Variants in MIPEP observed in about 807,000 individuals in gnomAD.
MIPEP encodes mitochondrial intermediate peptidase.
A neutral mutation model predicts 90.3 loss-of-function variants in MIPEP; 79 were observed. That is an observed-to-expected ratio of 0.87 (90% confidence interval 0.73 to 1.05). The LOEUF (loss-of-function observed/expected upper bound fraction) is 1.05. MIPEP is among the 50% of genes least tolerant of loss of function. The pLI is 0.00. For synonymous variants in MIPEP, 334 were observed against 315.8 expected (o/e 1.06, Z -0.61); for missense variants, 940 against 905.6 (o/e 1.04, Z -0.49).
chr13:23,805,862 G>T, intron 16 of MIPEP, 88 bp downstream of exon 16: 1 of 1,424,780 alleles, frequency 7.0e-7, no homozygotes, highest in Non-Finnish European at 9.6e-7. Context: ...GGGATTTCAA[G>T]TTCTCCAAAG....
chr13:23,864,078 G>T, intron 8 of MIPEP, 63 bp downstream of exon 8: 3 of 943,296 alleles, frequency 3.2e-6, no homozygotes, highest in Non-Finnish European at 4.8e-6. Flanking sequence ...TATAAATCAA[G>T]TCTTCTTTAA....
chr13:23,833,658 G>C (rs1325970255), intron 14 of MIPEP, among the ~76,000 whole-genome samples: 3 of 152,060 alleles, frequency 2.0e-5, no homozygotes, highest in Non-Finnish European at 4.4e-5. Flanking sequence ...GCTCCTGGTT[G>C]TTCTATAAGT....
intron 18 of MIPEP, among the ~76,000 whole-genome samples, chr13:23,746,680 A>T (rs1217468619): frequency 6.6e-6 from 1 of 151,944 alleles, no homozygotes; most frequent in Admixed American, 6.6e-5. Context: ...ATCTATAACA[A>T]ATGACCATCT....
intron 16 of MIPEP, among the ~76,000 whole-genome samples, chr13:23,791,198 TA>T (rs1952894848): frequency 6.6e-6 from 1 of 152,134 alleles, no homozygotes; most frequent in Non-Finnish European, 1.5e-5. Flanking sequence ...TCTTGGACTA[TA>T]CTCTACATTC....
At chr13:23,731,599 C>T (rs1952205515) in intron 18 of MIPEP, among the ~76,000 whole-genome samples, 2 of 151,978 alleles carry the variant, frequency 1.3e-5, no homozygotes, top group Non-Finnish European at 2.9e-5. Context: ...TTTCTTAGGA[C>T]ACAGAAAGCA....
Position 23,889,163 on chromosome 13 carries a change from CCCTGGGGCTTGA to C in MIPEP, c.146_157del (p.Val49_Gln52del), listed in dbSNP as rs1303278611. 6.8e-7 allele frequency: 1 copy of C among 1,466,260 alleles called. No individual in the cohort carries two copies. The allele number at this position is 1,466,260 out of a possible 1,614,324, so 90.8% of individuals were successfully genotyped here. On this transcript the variant is annotated inframe_deletion, in exon 1 of 19. Coordinates refer to ENST00000382172, the MANE Select transcript of MIPEP (RefSeq NM_005932.4). ...CTCGCCGAACAGGTCCAAGCGGCTGCCCTGGGGCTTGACATTGAAGGCGGCGCCCACGGGAGA... is the reference window on the plus strand; with the variant it reads ...CTCGCCGAACAGGTCCAAGCGGCTGCCATTGAAGGCGGCGCCCACGGGAGA...
intron 10 of MIPEP, among the ~76,000 whole-genome samples, chr13:23,857,456 G>A (rs1870095050): frequency 6.6e-6 from 1 of 152,218 alleles, no homozygotes; most frequent in African/African-American, 2.4e-5. Context: ...TGTAGTGCCA[G>A]CTACTTGGGA....
chr13:23,813,629 C>T (rs991706994), intron 14 of MIPEP, among the ~76,000 whole-genome samples: 2 of 152,082 alleles, frequency 1.3e-5, no homozygotes, highest in Non-Finnish European at 2.9e-5. Context: ...TAGGCTTTCA[C>T]TGTATTGCCC....
intron 9 of MIPEP, among the ~76,000 whole-genome samples, chr13:23,859,973 G>T (rs562838650): frequency 6.6e-6 from 1 of 152,222 alleles, no homozygotes; most frequent in South Asian, 2.1e-4. Flanking sequence ...CAGGGACTGC[G>T]TCCATGGAAC....
At chr13:23,850,267 T>G (rs1282686663) in intron 10 of MIPEP, among the ~76,000 whole-genome samples, 1 of 152,234 alleles carries the variant, frequency 6.6e-6, no homozygotes, top group Non-Finnish European at 1.5e-5. Flanking sequence ...CTGGGTGACA[T>G]TTTGAAATGC....
chr13:23,853,612 G>C (rs1869904672), intron 10 of MIPEP, among the ~76,000 whole-genome samples: 1 of 151,476 alleles, frequency 6.6e-6, no homozygotes, highest in African/African-American at 2.4e-5. Context: ...CCAAACTGGA[G>C]TGCAGTGTCA....
At chr13:23,732,171 T>G (rs1024566977) in intron 18 of MIPEP, among the ~76,000 whole-genome samples, 16 of 151,878 alleles carry the variant, frequency 1.1e-4, no homozygotes, top group Admixed American at 1.3e-4. Context: ...AAACTTCTTG[T>G]AGAGATGGGG....
chr13:23,790,823 T>C (rs1415870819), intron 16 of MIPEP, among the ~76,000 whole-genome samples: 1 of 152,224 alleles, frequency 6.6e-6, no homozygotes, highest in Non-Finnish European at 1.5e-5. Context: ...TGTGGTAATT[T>C]GTTACAGCAA....
chr13:23,859,937 C>T (rs1870217820), intron 9 of MIPEP, among the ~76,000 whole-genome samples: 1 of 152,238 alleles, frequency 6.6e-6, no homozygotes, highest in African/African-American at 2.4e-5. Context: ...GGCTTATTTT[C>T]TTTCTCCTCA....
chr13:23,733,136 A>G (rs1030473532), intron 18 of MIPEP, among the ~76,000 whole-genome samples: 1 of 152,226 alleles, frequency 6.6e-6, no homozygotes, highest in East Asian at 1.9e-4. Flanking sequence ...AAATTTTAAC[A>G]TAAAATCTTG....
At chr13:23,755,357 T>C (rs1371243587) in intron 18 of MIPEP, among the ~76,000 whole-genome samples, 3 of 152,180 alleles carry the variant, frequency 2.0e-5, no homozygotes, top group East Asian at 1.9e-4. Context: ...ACTGCACAAA[T>C]ATTTGCTGAA....
chr13:23,780,803 G>A (rs995244067), intron 16 of MIPEP, among the ~76,000 whole-genome samples: 2 of 152,164 alleles, frequency 1.3e-5, no homozygotes, highest in Admixed American at 6.5e-5. Flanking sequence ...ACTACGTGAC[G>A]AATGCACAAG....
At chr13:23,822,741 T>C (rs1848188083) in intron 14 of MIPEP, among the ~76,000 whole-genome samples, 2 of 152,040 alleles carry the variant, frequency 1.3e-5, no homozygotes, top group African/African-American at 4.8e-5. Flanking sequence ...ACTATAAAAC[T>C]GACCTCCTTC....
chr13:23,870,268 T>C, intron 5 of MIPEP, 73 bp from the exon 6 acceptor site: 1 of 998,030 alleles, frequency 1.0e-6, no homozygotes, highest in Admixed American at 3.1e-5. Context: ...AAACAAAATA[T>C]AAATATGTCA....
Sources: allele counts gnomAD v4.1 joint callset (sites outside exome capture counted in the v4.1 genomes callset), GRCh38; gene constraint gnomAD v4.1.1; transcripts MANE v1.5; gene names NCBI Gene and HGNC (gene_info 2026-07-23, HGNC 2026-07-21).